The following BOLL variants were observed in gnomAD, a reference collection of about 807,000 sequenced individuals.
The protein encoded by BOLL is protein boule-like.
Under a neutral mutation model 44.4 loss-of-function variants are expected in BOLL, and 23 were observed. The observed-to-expected ratio is 0.52, with a 90% CI of 0.37 to 0.73. The LOEUF (loss-of-function observed/expected upper bound fraction) is 0.73, where lower values mean the gene tolerates loss of function less well. Ranked by LOEUF, BOLL falls within the 30% of genes least tolerant of loss-of-function variation. BOLL has a pLI of 0.00. For missense variants in BOLL, 287 were observed against 338.3 expected (o/e 0.85, Z 1.19); for synonymous variants, 97 against 110.8 (o/e 0.88, Z 0.78).
intron 1 of BOLL, 200 bp downstream of exon 1, chr2:197,784,856 G>A: frequency 1.0e-6 from 1 of 987,418 alleles, no homozygotes; most frequent in Non-Finnish European, 1.2e-6. Flanking sequence ...CAATAATTCC[G>A]CATGTGTTAC....
intron 10 of BOLL, among the ~76,000 whole-genome samples, chr2:197,731,655 G>A (rs1323652360): frequency 6.7e-6 from 1 of 150,222 alleles, no homozygotes; most frequent in Non-Finnish European, 1.5e-5. Context: ...TCAGGATTAA[G>A]AATCTCACTC....
At chr2:197,763,096 A>G (rs1688833078) in intron 7 of BOLL, among the ~76,000 whole-genome samples, 1 of 152,202 alleles carries the variant, frequency 6.6e-6, no homozygotes, top group Non-Finnish European at 1.5e-5. Context: ...GAACAACTCT[A>G]TGCAAATAAA....
chr2:197,735,285 T>G (rs373149134), intron 10 of BOLL, among the ~76,000 whole-genome samples: 2 of 152,144 alleles, frequency 1.3e-5, no homozygotes, highest in African/African-American at 4.8e-5. Context: ...CTTTTCAATT[T>G]AGAGACTCTT....
At chr2:197,734,972 AAAG>A (rs1206035565) in intron 10 of BOLL, among the ~76,000 whole-genome samples, 14 of 152,230 alleles carry the variant, frequency 9.2e-5, no homozygotes, top group Admixed American at 6.5e-4. Flanking sequence ...AAATTAAAAA[AAAG>A]AATTCTATTT....
intron 10 of BOLL, 121 bp downstream of exon 10, chr2:197,742,940 G>A (rs1275897995): frequency 1.8e-6 from 1 of 557,550 alleles, no homozygotes; most frequent in East Asian, 3.3e-5. Flanking sequence ...TGCTAATTCT[G>A]TACTTCTGAT....
chr2:197,729,660 CCCCCAA>C (rs1464349669), intron 10 of BOLL, among the ~76,000 whole-genome samples: 42 of 152,234 alleles, frequency 2.8e-4, no homozygotes, highest in Middle Eastern at 3.4e-3. Context: ...TGACCCCTGA[CCCCCAA>C]GCAGCCTAAC....
At position 197,781,654 on chromosome 2, in the gene BOLL, G is replaced by T. The variant is rs1689790428; in HGVS notation, c.129+68C>A. On this transcript the variant is annotated intron_variant, in intron 2 of 10. Transcript: ENST00000392296. The stretch of plus-strand genomic sequence containing the variant: ...ATATGTTATTTTATAGTTGCACAAA[G>T]AAATAATTTCTGAGAAATAAAGACT... 3.8e-6 allele frequency: 5 copies of T among 1,316,850 alleles called. No individual in the cohort carries two copies. In the Admixed American group the frequency reaches 9.9e-5, roughly 26 times the overall value. 81.6% of individuals were successfully genotyped at this position (1,316,850 alleles called of 1,614,324 possible). A position where few individuals can be genotyped will look rare whatever the true frequency, so the allele number is the denominator to read the frequency against.
At chr2:197,785,673 G>A (rs1690043833), upstream of BOLL, among the ~76,000 whole-genome samples, 1 of 152,222 alleles carries the variant, frequency 6.6e-6, no homozygotes, top group Admixed American at 6.5e-5. The surrounding 1 kb of genome is among the most constrained non-coding windows in gnomAD (Gnocchi z 6.7). Context: ...CGGTTTACCT[G>A]CTCGGACTTC....
chr2:197,727,373 A>T lies in BOLL; in HGVS notation c.*1182T>A, dbSNP rs1260917055. ...TTTTATGGCTCCCCCTGCCCCCTCC[A>T]CCTAAAATTAGGAGGTCAGTGAAAG... is the stretch of plus-strand genomic sequence containing the variant. On this transcript the variant is annotated 3_prime_UTR_variant, in exon 11 of 11. Transcript: ENST00000392296. The T allele has an allele frequency of 1.3e-5, 2 of 152,274 alleles. No individual in the cohort carries two copies. Among genetic ancestry groups the T allele is most frequent in the Non-Finnish European group, 2.9e-5 (2 of 68,026 alleles). 9.4% of individuals were successfully genotyped at this position (152,274 alleles called of 1,614,324 possible). A position where few individuals can be genotyped will look rare whatever the true frequency, so the allele number is the denominator to read the frequency against.
intron 5 of BOLL, among the ~76,000 whole-genome samples, 175 bp from the exon 6 acceptor site, chr2:197,772,157 T>C (rs572040826): frequency 2.0e-4 from 30 of 152,200 alleles, no homozygotes; most frequent in Admixed American, 1.8e-3. Context: ...TTGAAGCCTG[T>C]ATTTTTAAAC....
intron 7 of BOLL, among the ~76,000 whole-genome samples, chr2:197,761,156 T>TA (rs1227088998): frequency 6.6e-6 from 1 of 151,832 alleles, no homozygotes; most frequent in East Asian, 1.9e-4. Context: ...CCCTATCTCT[T>TA]AAAAAAAATT....
chr2:197,781,942 A>G (rs1398821944), intron 1 of BOLL, 77 bp from the exon 2 acceptor site: 7 of 1,313,712 alleles, frequency 5.3e-6, no homozygotes, highest in Non-Finnish European at 6.0e-6. Context: ...AAAAACATAT[A>G]TTTTTCAAAA....
At chr2:197,777,768 A>G (rs911330816) in intron 3 of BOLL, among the ~76,000 whole-genome samples, 1 of 151,876 alleles carries the variant, frequency 6.6e-6, no homozygotes, top group Non-Finnish European at 1.5e-5. Flanking sequence ...GAAAAAAGTA[A>G]CAAAAGAAAG....
chr2:197,781,695 C>A, intron 2 of BOLL, 27 bp downstream of exon 2: 1 of 1,452,790 alleles, frequency 6.9e-7, no homozygotes, highest in Non-Finnish European at 9.2e-7. Flanking sequence ...TGAAAAAATA[C>A]ACTTTACTGC....
chr2:197,778,479 T>G (rs774800684), intron 3 of BOLL, among the ~76,000 whole-genome samples: 1 of 151,852 alleles, frequency 6.6e-6, no homozygotes, highest in African/African-American at 2.4e-5. Flanking sequence ...ATTACTTTCT[T>G]CTCAATTTTC....
chr2:197,776,794 A>T (rs1337389370), intron 4 of BOLL, among the ~76,000 whole-genome samples: 1 of 151,950 alleles, frequency 6.6e-6, no homozygotes, highest in East Asian at 1.9e-4. Flanking sequence ...AACATTCAAA[A>T]TGCTATTAAC....
Position 197,785,047 on chromosome 2 carries a change from C to T in BOLL, c.-16+9G>A. On this transcript the variant is annotated intron_variant, in intron 1 of 10. Transcript: ENST00000392296. This position sits in a 1 kb window ranked among gnomAD's most constrained non-coding sequence, Gnocchi z 6.7. ...TGCAAACGAAGACAGCAGGAACGGG[C>T]GGGCTAACCGTCGCAGTCACTGCCT... 5 of 986,004 alleles carry T rather than the reference C, an allele frequency of 5.1e-6. No homozygotes were observed. Among genetic ancestry groups the T allele is most frequent in the Non-Finnish European group, 6.0e-6 (5 of 829,940 alleles). The allele number at this position is 986,004 out of a possible 1,614,324, so 61.1% of individuals were successfully genotyped here. A position where few individuals can be genotyped will look rare whatever the true frequency, so the allele number is the denominator to read the frequency against.
rs542411320 is a variant in BOLL at position 197,762,595 on chromosome 2, C to A, written c.552+3937G>T. Among the ~76,000 whole-genome samples, 131 of 151,938 alleles carry A rather than the reference C, an allele frequency of 8.6e-4. 2 individuals are homozygous for A. Among genetic ancestry groups the A allele is most frequent in the Non-Finnish European group, 2.2e-4 (15 of 67,930 alleles). On this transcript the variant is annotated intron_variant, in intron 7 of 10. Transcript: ENST00000392296. The stretch of plus-strand genomic sequence containing the variant: ...ATGGAATAAAACAAGATATCAATAA[C>A]AAGAAAAACATTCAAAACTATACAA...
At chr2:197,754,172 A>G (rs1249015734) in intron 9 of BOLL, among the ~76,000 whole-genome samples, 1 of 152,128 alleles carries the variant, frequency 6.6e-6, no homozygotes, top group East Asian at 1.9e-4. Context: ...GCATTAGGAG[A>G]AATACCTAAT....
Sources: gnomAD v4.1 joint callset for allele counts (sites outside exome capture counted in the v4.1 genomes callset) on GRCh38, gnomAD v4.1.1 for gene constraint, Gnocchi (gnomAD v3.1) non-coding constraint, MANE v1.5 for transcripts, NCBI Gene and HGNC (gene_info 2026-07-23, HGNC 2026-07-21) for gene names.